Variants in PRKCE observed in about 807,000 individuals in gnomAD.
PRKCE encodes protein kinase C epsilon type.
A neutral mutation model predicts 85.4 loss-of-function variants in PRKCE; 16 were observed. The observed-to-expected ratio is 0.19, with a 90% CI of 0.13 to 0.28. PRKCE has a LOEUF of 0.28. Ranked by LOEUF, PRKCE falls within the 10% of genes least tolerant of loss-of-function variation. The pLI, the probability that PRKCE is intolerant of heterozygous loss-of-function variation, is 1.00. For synonymous variants in PRKCE, 388 were observed against 371.5 expected, an observed-to-expected ratio of 1.04 and a Z score of -0.51; for missense variants, 573 against 975.2, an observed-to-expected ratio of 0.59 and a Z score of 5.49.
At chr2:46,015,798 T>C (rs1338630535) in intron 10 of PRKCE, among the ~76,000 whole-genome samples, 1 of 151,956 alleles carries the variant, frequency 6.6e-6, no homozygotes, top group Non-Finnish European at 1.5e-5. Flanking sequence ...ACAGAGCCGT[T>C]GAGGATGGGT....
intron 2 of PRKCE, among the ~76,000 whole-genome samples, chr2:45,879,828 G>T (rs1431033986): frequency 6.6e-6 from 1 of 152,234 alleles, no homozygotes; most frequent in Non-Finnish European, 1.5e-5. Flanking sequence ...ATAGTGATCA[G>T]ATCAGGATAA....
At chr2:45,915,379 G>A (rs1055638334) in intron 2 of PRKCE, among the ~76,000 whole-genome samples, 3 of 152,142 alleles carry the variant, frequency 2.0e-5, no homozygotes, top group East Asian at 1.9e-4. Context: ...ACATCTTTAA[G>A]ATCGATGGCA....
intron 2 of PRKCE, among the ~76,000 whole-genome samples, chr2:45,863,530 G>C (rs953368943): frequency 1.3e-5 from 2 of 151,948 alleles, no homozygotes; most frequent in Admixed American, 6.6e-5. Flanking sequence ...TGTTTGTTAG[G>C]TGCTCACGGG....
At chr2:45,728,945 A>T (rs550809407) in intron 1 of PRKCE, among the ~76,000 whole-genome samples, 1 of 152,150 alleles carries the variant, frequency 6.6e-6, no homozygotes, top group Non-Finnish European at 1.5e-5. Flanking sequence ...CTGGCTCCTA[A>T]CTGGTAGGCT....
intron 2 of PRKCE, among the ~76,000 whole-genome samples, chr2:45,890,154 A>G (rs1224214668): frequency 6.6e-6 from 1 of 152,170 alleles, no homozygotes; most frequent in Non-Finnish European, 1.5e-5. Context: ...TTTGGTAGTT[A>G]TGATTTAATC....
intron 6 of PRKCE, chr2:46,000,762 C>A (rs1372713059): frequency 6.6e-6 from 1 of 152,216 alleles, no homozygotes; most frequent in African/African-American, 2.4e-5. Context: ...GTTACAGTTA[C>A]AGTTTTTCTA....
chr2:45,985,337 G>T (rs2104600659), intron 6 of PRKCE, among the ~76,000 whole-genome samples: 1 of 152,284 alleles, frequency 6.6e-6, no homozygotes, highest in African/African-American at 2.4e-5. Context: ...GATGCTAAGT[G>T]GCACGGGGAG....
At position 46,147,603 on chromosome 2, in the gene PRKCE, T is replaced by C. The variant is rs1043402949; in HGVS notation, c.1731+2372T>C. Among the ~76,000 whole-genome samples, 5 of 152,238 alleles carry C rather than the reference T, an allele frequency of 3.3e-5. No homozygotes were observed. The East Asian group carries it at 7.7e-4, about 23-fold the overall frequency. On this transcript the variant is annotated intron_variant, in intron 12 of 14. Transcript: ENST00000306156. ...CCACCGTGCAGAAACATCTCTGCACTGGCAATGACAATCCCTGGTCTTGCT... is the reference window on the plus strand; with the variant it reads ...CCACCGTGCAGAAACATCTCTGCACCGGCAATGACAATCCCTGGTCTTGCT...
At chr2:46,010,774 C>G (rs886936491) in intron 10 of PRKCE, 1 of 1,596,386 alleles carries the variant, frequency 6.3e-7, no homozygotes, top group Non-Finnish European at 8.5e-7. Context: ...AGCCAAATGG[C>G]TAAACTCACT....
At position 46,086,196 on chromosome 2, in the gene PRKCE, C is replaced by G. The variant is rs2103904332; in HGVS notation, c.1438-12C>G. On this transcript the variant is annotated splice_polypyrimidine_tract_variant and intron_variant, in intron 10 of 14. Coordinates refer to ENST00000306156, the MANE Select transcript of PRKCE (RefSeq NM_005400.3). Reference sequence around the variant, plus strand: ...CAAATGACCCAAATGGCATTTTCTTCTCTCCTTTCAGGACCGCCTCTTTTT... The same window carrying G: ...CAAATGACCCAAATGGCATTTTCTTGTCTCCTTTCAGGACCGCCTCTTTTT... The G allele has an allele frequency of 5.0e-6, 8 of 1,599,206 alleles. No individual in the cohort carries two copies. The highest frequency in any genetic ancestry group is 1.1e-5 in the South Asian group (1 of 91,048).
intron 10 of PRKCE, among the ~76,000 whole-genome samples, chr2:46,072,298 C>A (rs115737203): frequency 0.015 from 2,322 of 152,228 alleles, 61 homozygotes; most frequent in African/African-American, 0.053. Context: ...TGTATGTTTA[C>A]GTTAGTGTAT....
At position 45,922,820 on chromosome 2, in the gene PRKCE, G is replaced by T. The variant is rs116723434; in HGVS notation, c.413-53609G>T. On this transcript the variant is annotated intron_variant, in intron 2 of 14. Coordinates refer to ENST00000306156, the MANE Select transcript of PRKCE (RefSeq NM_005400.3). The stretch of plus-strand genomic sequence containing the variant: ...CGGGTGTATCTTCCAGTGCTGGGAT[G>T]TGCTTAAACGCCTAAGAACCATCAC... Among the ~76,000 whole-genome samples, 261 of 152,328 alleles carry T rather than the reference G, an allele frequency of 1.7e-3. 4 individuals are homozygous for T. The highest frequency in any genetic ancestry group is 6.2e-3 in the African/African-American group (257 of 41,572).
At chr2:45,871,990 G>A (rs1203685164) in intron 2 of PRKCE, among the ~76,000 whole-genome samples, 1 of 152,166 alleles carries the variant, frequency 6.6e-6, no homozygotes, top group Admixed American at 6.5e-5. Flanking sequence ...CCTATGCCAG[G>A]CACCATGGGA....
At chr2:45,989,130 G>T (rs1703588675) in intron 6 of PRKCE, among the ~76,000 whole-genome samples, 1 of 152,210 alleles carries the variant, frequency 6.6e-6, no homozygotes, top group African/African-American at 2.4e-5. Context: ...GCCTGCGGGG[G>T]CCTGTGGAAG....
intron 10 of PRKCE, among the ~76,000 whole-genome samples, chr2:46,023,323 G>A (rs1325390444): frequency 6.6e-6 from 1 of 152,144 alleles, no homozygotes; most frequent in African/African-American, 2.4e-5. Context: ...GGCACACGTT[G>A]CCTGTAACAA....
At chr2:45,689,457 T>C (rs1226703587) in intron 1 of PRKCE, among the ~76,000 whole-genome samples, 1 of 152,080 alleles carries the variant, frequency 6.6e-6, no homozygotes, top group Non-Finnish European at 1.5e-5. Flanking sequence ...TTAGACAGTT[T>C]CAAAGTCTCT....
In PRKCE at chr2:46,068,616, C is replaced by T. The variant is rs140404022; in HGVS notation, c.1438-17592C>T. Among the ~76,000 whole-genome samples the T allele has an allele frequency of 4.7e-4, 72 of 152,264 alleles. No homozygotes were observed. The East Asian group carries it at 0.011, about 24-fold the overall frequency. ...TTGTCACATACAGAATAAGATCAATCATCAGATGTGTAGTTTAAGGATTGC... is the reference window on the plus strand; with the variant it reads ...TTGTCACATACAGAATAAGATCAATTATCAGATGTGTAGTTTAAGGATTGC... On this transcript the variant is annotated intron_variant, in intron 10 of 14. Coordinates refer to ENST00000306156, the MANE Select transcript of PRKCE (RefSeq NM_005400.3). This position sits in a 1 kb window ranked among gnomAD's most constrained non-coding sequence, Gnocchi z 4.3.
At chr2:45,748,574 C>T (rs1279015514) in intron 1 of PRKCE, among the ~76,000 whole-genome samples, 1 of 152,212 alleles carries the variant, frequency 6.6e-6, no homozygotes, top group African/African-American at 2.4e-5. Context: ...CCTAATGTCC[C>T]TTTACCCAGC....
rs576140151 is a variant in PRKCE, at chr2:45,906,356, G to A, written c.412+63293G>A. On this transcript the variant is annotated intron_variant, in intron 2 of 14. Coordinates refer to ENST00000306156, the MANE Select transcript of PRKCE (RefSeq NM_005400.3). The stretch of plus-strand genomic sequence containing the variant: ...TGGAGGCAGGAAGTCAAAGGCAATT[G>A]GGTTAATTAAACCCCTGTGGATCTT... Among the ~76,000 whole-genome samples the A allele has an allele frequency of 3.9e-5, 6 of 152,326 alleles. No individual in the cohort carries two copies. In the East Asian group the frequency reaches 1.2e-3, roughly 29 times the overall value.
Sources: allele counts gnomAD v4.1 joint callset (sites outside exome capture counted in the v4.1 genomes callset), GRCh38; gene constraint gnomAD v4.1.1; non-coding constraint Gnocchi (gnomAD v3.1); transcripts MANE v1.5; gene names NCBI Gene and HGNC (gene_info 2026-07-23, HGNC 2026-07-21).